Variants in DNER observed in about 807,000 individuals in gnomAD.
DNER encodes delta/notch like EGF repeat containing, also known as delta and Notch-like epidermal growth factor-related receptor.
A neutral mutation model predicts 78.2 loss-of-function variants in DNER; 33 were observed. The observed-to-expected ratio is 0.42, with a 90% CI of 0.32 to 0.56. The LOEUF (loss-of-function observed/expected upper bound fraction) is 0.56, where lower values mean the gene tolerates loss of function less well. Ranked by LOEUF, DNER falls within the 20% of genes least tolerant of loss-of-function variation. DNER has a pLI of 0.11. For synonymous variants in DNER, 417 were observed against 384.8 expected (o/e 1.08, Z -0.98); for missense variants, 918 against 975.3 (o/e 0.94, Z 0.78).
chr2:229,587,987 A>G (rs914155434), intron 3 of DNER, among the ~76,000 whole-genome samples: 72 of 151,778 alleles, frequency 4.7e-4, no homozygotes, highest in Non-Finnish European at 8.7e-4. Context: ...ATAAAAAATA[A>G]AGAGAAAATT....
chr2:229,470,491 A>AT (rs1574857606), intron 7 of DNER, among the ~76,000 whole-genome samples: 3 of 146,178 alleles, frequency 2.1e-5, no homozygotes, highest in East Asian at 4.0e-4. Context: ...TGCTATGCAA[A>AT]AAATAATAAT....
intron 1 of DNER, among the ~76,000 whole-genome samples, chr2:229,667,660 A>G (rs1431446243): frequency 3.3e-5 from 5 of 152,138 alleles, no homozygotes; most frequent in African/African-American, 9.7e-5. Context: ...TGGGTCCCCT[A>G]TGTTTGTCAC....
chr2:229,644,627 GA>G (rs765759369), intron 1 of DNER, among the ~76,000 whole-genome samples: 3 of 151,966 alleles, frequency 2.0e-5, no homozygotes, highest in Admixed American at 1.3e-4. Flanking sequence ...GATTTTTGAA[GA>G]GAGTTTATTT....
intron 1 of DNER, among the ~76,000 whole-genome samples, chr2:229,698,892 C>A (rs1217926502): frequency 6.6e-6 from 1 of 151,994 alleles, no homozygotes; most frequent in Non-Finnish European, 1.5e-5. Context: ...ACCAAAAAAA[C>A]CAATGGCCAA....
intron 1 of DNER, among the ~76,000 whole-genome samples, chr2:229,694,704 C>A (rs1015578773): frequency 6.6e-6 from 1 of 152,202 alleles, no homozygotes; most frequent in East Asian, 1.9e-4. Context: ...GGTGTATTTA[C>A]CCAATGCCTG....
rs796336126 is a variant in DNER, at chr2:229,494,042, T to G, written c.1148-16789A>C. 3.3e-5 allele frequency among the ~76,000 whole-genome samples: 5 copies of G among 152,290 alleles called. No homozygotes were observed. In the East Asian group the frequency reaches 7.7e-4, roughly 23 times the overall value. The stretch of plus-strand genomic sequence containing the variant: ...AGCTACATGAACCTCTCTAGGAACC[T>G]TGTTCTGAATTGAATAGTATGATAT... On this transcript the variant is annotated intron_variant, in intron 6 of 12. Transcript: ENST00000341772.
intron 1 of DNER, among the ~76,000 whole-genome samples, chr2:229,631,205 T>G (rs544228176): frequency 6.6e-6 from 1 of 152,206 alleles, no homozygotes; most frequent in Admixed American, 6.5e-5. Flanking sequence ...GAAAGCACCT[T>G]ATTTTATTTT....
At chr2:229,463,370 A>T (rs928259423) in intron 7 of DNER, among the ~76,000 whole-genome samples, 15 of 152,200 alleles carry the variant, frequency 9.9e-5, no homozygotes, top group Non-Finnish European at 2.1e-4. Context: ...TGAAAGGAGA[A>T]ATATTAGTCA....
chr2:229,369,515 TAA>T (rs1440477762), intron 11 of DNER, among the ~76,000 whole-genome samples: 2 of 151,648 alleles, frequency 1.3e-5, no homozygotes, highest in Non-Finnish European at 2.9e-5. Flanking sequence ...CTAAAAAAGT[TAA>T]AGAGTCCACT....
At chr2:229,662,950 A>G (rs936144960) in intron 1 of DNER, among the ~76,000 whole-genome samples, 3 of 152,224 alleles carry the variant, frequency 2.0e-5, no homozygotes, top group Non-Finnish European at 2.9e-5. Context: ...AACTTGGTTT[A>G]TGTAGCATGA....
chr2:229,368,856 A>C (rs1188968008), intron 11 of DNER, among the ~76,000 whole-genome samples: 1 of 152,222 alleles, frequency 6.6e-6, no homozygotes, highest in Non-Finnish European at 1.5e-5. Context: ...GTGATCTCTA[A>C]AAGACAGGAT....
chr2:229,624,390 GA>G lies in DNER; in HGVS notation c.277-32503del, dbSNP rs560595405. On this transcript the variant is annotated intron_variant, in intron 1 of 12. Coordinates refer to ENST00000341772, the MANE Select transcript of DNER (RefSeq NM_139072.4). The stretch of plus-strand genomic sequence containing the variant: ...ATATTCTGCAGCAAGACACCTACTA[GA>G]AAAATACTAAAGGAACCTAAAAGTC... Among the ~76,000 whole-genome samples, 35 of 151,914 alleles carry G rather than the reference GA, an allele frequency of 2.3e-4. No individual in the cohort carries two copies. In the South Asian group the frequency reaches 7.1e-3, roughly 31 times the overall value.
chr2:229,452,700 C>T (rs780328710), intron 7 of DNER, among the ~76,000 whole-genome samples: 7 of 152,184 alleles, frequency 4.6e-5, no homozygotes, highest in Non-Finnish European at 7.3e-5. Context: ...ATGATCTCGG[C>T]TCACTGCAAC....
rs760282334 is a variant in DNER at position 229,477,240 on chromosome 2, C to T, written c.1161G>A (p.Glu387=). The T allele has an allele frequency of 6.2e-7, 1 of 1,612,768 alleles. No homozygotes were observed. Among genetic ancestry groups the T allele is most frequent in the Non-Finnish European group, 8.5e-7 (1 of 1,179,320 alleles). The change falls in exon 7 of 13, where the codon GAG becomes GAA. Residue 387 remains glutamate, a synonymous_variant. Coordinates refer to ENST00000341772, the MANE Select transcript of DNER (RefSeq NM_139072.4). ...TCVCLPGYTG[E]LCQSKIDYCI... is the part of the protein sequence containing the mutation. The stretch of plus-strand genomic sequence containing the variant: ...AGTAATCAATCTTGGACTGGCAAAG[C>T]TCTCCAGTATAACCTGAATAAAACA...
intron 7 of DNER, among the ~76,000 whole-genome samples, chr2:229,474,996 C>T (rs1695001106): frequency 6.6e-6 from 1 of 152,178 alleles, no homozygotes; most frequent in South Asian, 2.1e-4. Context: ...ATGAAAAGTT[C>T]AAAGTTCCCT....
intron 8 of DNER, among the ~76,000 whole-genome samples, chr2:229,447,086 A>G (rs1559354124): frequency 6.6e-6 from 1 of 152,142 alleles, no homozygotes; most frequent in Non-Finnish European, 1.5e-5. Flanking sequence ...ATGAAAGAGT[A>G]TTTTTTTAAC....
intron 1 of DNER, among the ~76,000 whole-genome samples, chr2:229,661,143 C>G (rs759617457): frequency 6.6e-6 from 1 of 152,136 alleles, no homozygotes; most frequent in Non-Finnish European, 1.5e-5. Context: ...AGCATTGCCT[C>G]ATGCAATAAA....
At chr2:229,651,833 T>C (rs919921730) in intron 1 of DNER, among the ~76,000 whole-genome samples, 1 of 152,130 alleles carries the variant, frequency 6.6e-6, no homozygotes, top group Non-Finnish European at 1.5e-5. Flanking sequence ...ACATGCAAGT[T>C]AGCATGATCC....
intron 4 of DNER, among the ~76,000 whole-genome samples, chr2:229,571,004 T>G (rs1026997233): frequency 5.9e-5 from 9 of 152,034 alleles, no homozygotes; most frequent in Non-Finnish European, 1.5e-5. Context: ...AGATGAGACA[T>G]AAAATGGTCC....
Sources: allele counts gnomAD v4.1 joint callset (sites outside exome capture counted in the v4.1 genomes callset), GRCh38; gene constraint gnomAD v4.1.1; transcripts MANE v1.5; gene names NCBI Gene and HGNC (gene_info 2026-07-23, HGNC 2026-07-21).